The following PLS3 variants were observed in gnomAD, a reference collection of about 807,000 sequenced individuals.
PLS3 encodes the protein plastin-3.
PLS3 carries 11 observed loss-of-function variants against 46.5 expected under a neutral mutation model. The observed-to-expected ratio is 0.24, with a 90% CI of 0.15 to 0.39. The LOEUF is 0.39. Ranked by LOEUF, PLS3 falls within the 10% of genes least tolerant of loss-of-function variation. The pLI is 1.00. For synonymous variants in PLS3, 167 were observed against 162.2 expected (o/e 1.03, Z -0.22); for missense variants, 308 against 461.8 (o/e 0.67, Z 3.05).
At chrX:115,619,094 T>C (rs114821979) in intron 2 of PLS3, among the ~76,000 whole-genome samples, 4,255 of 111,912 alleles carry the variant, frequency 0.038, 201 homozygotes, top group African/African-American at 0.13. Context: ...ATCTCCAGGT[T>C]TTAAAAGTGT....
chrX:115,578,018 T>C (rs782032671), intron 1 of PLS3, among the ~76,000 whole-genome samples: 72 of 111,609 alleles, frequency 6.5e-4, no homozygotes, highest in Non-Finnish European at 1.1e-3. Flanking sequence ...AGGGGAGAGA[T>C]AGAAAATAAA....
At chrX:115,624,480 G>A (rs1288740051) in intron 3 of PLS3, 5 of 111,832 alleles carry the variant, frequency 4.5e-5, no homozygotes, top group African/African-American at 9.7e-5. Context: ...TTAAAGTAGC[G>A]CAGAGCAGCA....
chrX:115,644,906 C>T (rs1217820636), intron 10 of PLS3, 115 bp from the exon 11 acceptor site: 10 of 471,525 alleles, frequency 2.1e-5, no homozygotes, highest in African/African-American at 1.2e-4. Context: ...CTCGTATTAT[C>T]GAAAAATTCT....
chrX:115,602,012 A>G (rs1248862386), intron 1 of PLS3, among the ~76,000 whole-genome samples: 2 of 111,783 alleles, frequency 1.8e-5, no homozygotes, highest in Admixed American at 9.5e-5. Context: ...AACACAAGGC[A>G]CAATACCCTT....
intron 1 of PLS3, among the ~76,000 whole-genome samples, chrX:115,574,515 CAAA>C (rs2074236232): frequency 9.0e-6 from 1 of 111,287 alleles, no homozygotes; most frequent in Non-Finnish European, 1.9e-5. Flanking sequence ...ACTGTAGAGT[CAAA>C]GAAGAAATTG....
chrX:115,583,920 A>C (rs1259317506), intron 1 of PLS3, among the ~76,000 whole-genome samples: 3 of 110,984 alleles, frequency 2.7e-5, no homozygotes, highest in Non-Finnish European at 5.7e-5. Context: ...TGATACACTG[A>C]GAGTTCTTTA....
At chrX:115,633,215 G>A (rs2074796112) in intron 5 of PLS3, among the ~76,000 whole-genome samples, 1 of 109,200 alleles carries the variant, frequency 9.2e-6, no homozygotes, top group South Asian at 4.0e-4. Flanking sequence ...GTGTTGTCCA[G>A]GATGAAGTGC....
intron 3 of PLS3, among the ~76,000 whole-genome samples, chrX:115,622,868 A>T (rs1341222227): frequency 9.0e-6 from 1 of 111,616 alleles, no homozygotes; most frequent in African/African-American, 3.3e-5. Flanking sequence ...ATTTAACTGA[A>T]CCATTCTCTC....
chrX:115,572,620 T>C lies in PLS3; in HGVS notation c.-9+11360T>C, dbSNP rs782715977. On this transcript the variant is annotated intron_variant, in intron 1 of 15. Transcript: ENST00000355899. ...TAACCAAATATACTAACATGCACAA[T>C]TGCTTAATTAGTCTATTTGTGGAAT... Among the ~76,000 whole-genome samples the C allele has an allele frequency of 1.4e-4, 16 of 111,605 alleles. No homozygotes were observed. The South Asian group carries it at 3.7e-3, about 26-fold the overall frequency.
intron 1 of PLS3, among the ~76,000 whole-genome samples, chrX:115,562,045 G>T (rs1187357489): frequency 9.1e-6 from 1 of 110,363 alleles, no homozygotes; most frequent in Non-Finnish European, 1.9e-5. Context: ...GGCCCCGGGC[G>T]CGCGGTCGGG....
chrX:115,626,604 C>T (rs1004636019), intron 3 of PLS3, among the ~76,000 whole-genome samples: 1 of 110,189 alleles, frequency 9.1e-6, no homozygotes, highest in Non-Finnish European at 1.9e-5. Flanking sequence ...TTTTTAAAAC[C>T]AAGGGAATAG....
chrX:115,626,539 C>G (rs1211346307), intron 3 of PLS3, among the ~76,000 whole-genome samples: 1 of 111,023 alleles, frequency 9.0e-6, no homozygotes, highest in Non-Finnish European at 1.9e-5. Context: ...CCACCTTGGC[C>G]TCCCAAAGTG....
intron 1 of PLS3, among the ~76,000 whole-genome samples, chrX:115,594,257 A>AT (rs1345467949): frequency 9.0e-6 from 1 of 111,089 alleles, no homozygotes; most frequent in Non-Finnish European, 1.9e-5. Context: ...ATACATTAGG[A>AT]TTTTCCATCA....
At chrX:115,628,255 G>A (rs149632410) in intron 3 of PLS3, among the ~76,000 whole-genome samples, 24 of 112,360 alleles carry the variant, frequency 2.1e-4, no homozygotes, top group African/African-American at 7.4e-4. Flanking sequence ...TGAGATGTGT[G>A]TGTGAATACA....
At chrX:115,644,339 G>A (rs1343488874) in intron 10 of PLS3, among the ~76,000 whole-genome samples, 1 of 111,021 alleles carries the variant, frequency 9.0e-6, no homozygotes, top group African/African-American at 3.3e-5. Flanking sequence ...GCTCACGACT[G>A]TAATCCCAGC....
chrX:115,561,789 C>CCGA (rs2074137316), intron 1 of PLS3, among the ~76,000 whole-genome samples: 1 of 111,438 alleles, frequency 9.0e-6, no homozygotes, highest in East Asian at 2.9e-4. Context: ...CTGGCTTAAG[C>CCGA]CGACCCTGGG....
intron 2 of PLS3, among the ~76,000 whole-genome samples, chrX:115,615,394 G>A (rs1235949042): frequency 3.7e-5 from 4 of 108,384 alleles, no homozygotes; most frequent in Non-Finnish European, 7.6e-5. Flanking sequence ...AGGGCGGCGG[G>A]GGAGTTAAAT....
At chrX:115,615,319 G>C (rs1448895587) in intron 2 of PLS3, among the ~76,000 whole-genome samples, 1 of 111,046 alleles carries the variant, frequency 9.0e-6, no homozygotes, top group Non-Finnish European at 1.9e-5. Context: ...TTCTTGGTGT[G>C]ATTCAAACTT....
chrX:115,570,574 G>A (rs1556630587), intron 1 of PLS3, among the ~76,000 whole-genome samples: 1 of 96,585 alleles, frequency 1.0e-5, no homozygotes, highest in Admixed American at 1.2e-4. Flanking sequence ...TGCGATCTCA[G>A]CTCACTGCAA....
Sources: gnomAD v4.1 joint callset for allele counts (sites outside exome capture counted in the v4.1 genomes callset) on GRCh38, gnomAD v4.1.1 for gene constraint, MANE v1.5 for transcripts, NCBI Gene and HGNC (gene_info 2026-07-23, HGNC 2026-07-21) for gene names.